PDE4D: variants seen among roughly 807,000 people sequenced by gnomAD.
PDE4D encodes the protein 3',5'-cyclic-AMP phosphodiesterase 4D.
A neutral mutation model predicts 87.4 loss-of-function variants in PDE4D; 24 were observed. The ratio of observed to expected loss-of-function variants is 0.27; its 90% confidence interval spans 0.20 to 0.39. The LOEUF (loss-of-function observed/expected upper bound fraction) is 0.39, where lower values mean the gene tolerates loss of function less well. Among genes scored for constraint, PDE4D ranks in the 10% least tolerant of loss-of-function variants. The pLI is 1.00. For synonymous variants in PDE4D, 384 were observed against 383.2 expected (o/e 1.00, Z -0.02); for missense variants, 714 against 1,041.0 (o/e 0.69, Z 4.32).
At chr5:60,440,963 C>G (rs1314472385) in intron 1 of PDE4D, among the ~76,000 whole-genome samples, 1 of 151,976 alleles carries the variant, frequency 6.6e-6, no homozygotes, top group African/African-American at 2.4e-5. Flanking sequence ...GGAAATTAAC[C>G]ATTATCACAT....
intron 1 of PDE4D, among the ~76,000 whole-genome samples, chr5:59,533,466 G>T (rs900412528): frequency 6.6e-6 from 1 of 152,044 alleles, no homozygotes; most frequent in Non-Finnish European, 1.5e-5. Context: ...AGGGTGGGGG[G>T]GTCAAACAAC....
chr5:59,800,075 GA>G (rs1229154607), intron 1 of PDE4D, among the ~76,000 whole-genome samples: 1 of 152,100 alleles, frequency 6.6e-6, no homozygotes, highest in African/African-American at 2.4e-5. Context: ...GTATGTGGAA[GA>G]AAGGTCTGTG....
At chr5:60,352,481 G>A (rs1247690733) in intron 1 of PDE4D, among the ~76,000 whole-genome samples, 1 of 152,228 alleles carries the variant, frequency 6.6e-6, no homozygotes, top group African/African-American at 2.4e-5. Flanking sequence ...GGCCACAAAA[G>A]AGAGTAAAAC....
chr5:59,229,918 GC>G (rs1412890792), intron 1 of PDE4D, among the ~76,000 whole-genome samples: 1 of 151,972 alleles, frequency 6.6e-6, no homozygotes, highest in Admixed American at 6.6e-5. Flanking sequence ...CCTGCCTCAG[GC>G]CCCCGAGTAG....
chr5:60,437,300 C>T (rs907357347), intron 1 of PDE4D, among the ~76,000 whole-genome samples: 4 of 152,020 alleles, frequency 2.6e-5, no homozygotes, highest in Non-Finnish European at 5.9e-5. Flanking sequence ...GCTATTTGAC[C>T]GGTCTCTAAG....
chr5:59,586,591 C>G, intron 1 of PDE4D: 2 of 1,354,260 alleles, frequency 1.5e-6, no homozygotes, highest in Admixed American at 3.4e-5. Flanking sequence ...AGAAACATCA[C>G]AGAGCACTGC....
intron 1 of PDE4D, among the ~76,000 whole-genome samples, chr5:59,293,629 T>C (rs759940226): frequency 1.3e-5 from 2 of 152,168 alleles, no homozygotes; most frequent in Non-Finnish European, 2.9e-5. Context: ...GCACAGGATA[T>C]TCAAACAGAG....
At chr5:59,698,887 G>A (rs949697482) in intron 1 of PDE4D, among the ~76,000 whole-genome samples, 1 of 152,180 alleles carries the variant, frequency 6.6e-6, no homozygotes, top group Non-Finnish European at 1.5e-5. Flanking sequence ...TCTGAAAACT[G>A]CAAAACCACC....
chr5:59,836,034 A>G (rs927390605), intron 1 of PDE4D, among the ~76,000 whole-genome samples: 2 of 152,056 alleles, frequency 1.3e-5, no homozygotes, highest in African/African-American at 4.8e-5. Flanking sequence ...ATGCTAAAAT[A>G]AAATAAATAG....
chr5:60,077,220 A>C (rs1773395190), intron 2 of PDE4D, among the ~76,000 whole-genome samples: 1 of 152,186 alleles, frequency 6.6e-6, no homozygotes, highest in Non-Finnish European at 1.5e-5. Context: ...TGTTGGCAAC[A>C]AGGTGCACTC....
At chr5:60,507,155 A>G (rs1206183149) in intron 1 of PDE4D, among the ~76,000 whole-genome samples, 1 of 150,852 alleles carries the variant, frequency 6.6e-6, no homozygotes, top group Non-Finnish European at 1.5e-5. Context: ...TCTCGGCTCA[A>G]CCTCTGCCTC....
At chr5:59,901,923 A>AACAC (rs59453461) in intron 3 of PDE4D, among the ~76,000 whole-genome samples, 3,330 of 134,250 alleles carry the variant, frequency 0.025, 78 homozygotes, top group Middle Eastern at 0.05. Context: ...CTTACATGCA[A>AACAC]ACACACACAC....
At chr5:59,027,413 C>T (rs1031126672) in intron 6 of PDE4D, among the ~76,000 whole-genome samples, 5 of 152,174 alleles carry the variant, frequency 3.3e-5, no homozygotes, top group Non-Finnish European at 7.3e-5. Context: ...ATATGCACAG[C>T]TCACACTTAC....
intron 4 of PDE4D, among the ~76,000 whole-genome samples, 181 bp from the exon 5 acceptor site, chr5:59,180,825 A>G (rs1028427283): frequency 1.3e-5 from 2 of 152,206 alleles, no homozygotes; most frequent in African/African-American, 4.8e-5. Context: ...TATGGCTCAG[A>G]TCACACATGT....
At chr5:59,198,354 T>C (rs116193731) in intron 2 of PDE4D, among the ~76,000 whole-genome samples, 297 of 152,332 alleles carry the variant, frequency 1.9e-3, no homozygotes, top group African/African-American at 6.6e-3. Context: ...TATGTATGTA[T>C]GCACATATGT....
At chr5:60,010,105 C>A (rs1764880147) in intron 2 of PDE4D, among the ~76,000 whole-genome samples, 1 of 152,082 alleles carries the variant, frequency 6.6e-6, no homozygotes, top group East Asian at 1.9e-4. Flanking sequence ...TGTCCTACTC[C>A]CTAAGGACAT....
At chr5:59,791,768 G>A (rs545069743) in intron 1 of PDE4D, among the ~76,000 whole-genome samples, 1 of 152,276 alleles carries the variant, frequency 6.6e-6, no homozygotes, top group African/African-American at 2.4e-5. Flanking sequence ...CCCGGGCTTA[G>A]AATCCTAAGA....
In PDE4D at chr5:59,717,832, A is replaced by G. The variant is rs1306469630; in HGVS notation, c.455+175336T>C. On this transcript the variant is annotated intron_variant, in intron 1 of 14. Transcript: ENST00000340635. ...TGTCCTAAACACTATACATATATGT[A>G]CTCATTCAGTCCTCCAACAACCCTA... Among the ~76,000 whole-genome samples the G allele has an allele frequency of 2.0e-5, 3 of 152,340 alleles. No homozygotes were observed. The East Asian group carries it at 5.8e-4, about 29-fold the overall frequency.
chr5:59,566,534 ATGTGTGTGTGTGTGTGTGTGTGTGTG>A (rs34584672), intron 1 of PDE4D, among the ~76,000 whole-genome samples: 35 of 140,808 alleles, frequency 2.5e-4, no homozygotes, highest in African/African-American at 9.1e-4. Context: ...TCACAGTTTC[ATGTGTGTGTGTGTGTGTGTGTGTGTG>A]TGTGTGTGTG....
Sources: allele counts gnomAD v4.1 joint callset (sites outside exome capture counted in the v4.1 genomes callset), GRCh38; gene constraint gnomAD v4.1.1; transcripts MANE v1.5; gene names NCBI Gene and HGNC (gene_info 2026-07-23, HGNC 2026-07-21).